Variants in THSD7B observed in about 807,000 individuals in gnomAD.
The protein encoded by THSD7B is thrombospondin type-1 domain-containing protein 7B.
A neutral mutation model predicts 213.6 loss-of-function variants in THSD7B; 138 were observed. The observed-to-expected ratio is 0.65, with a 90% CI of 0.56 to 0.74. The LOEUF (loss-of-function observed/expected upper bound fraction) is 0.74, where lower values mean the gene tolerates loss of function less well. Ranked by LOEUF, THSD7B falls within the 30% of genes least tolerant of loss-of-function variation. The probability of loss-of-function intolerance (pLI) is 0.00; values close to 1 mark genes in which losing one functional copy is unlikely to be tolerated. For missense variants in THSD7B, 1,931 were observed against 1,991.5 expected (o/e 0.97, Z 0.58); for synonymous variants, 742 against 687.0 (o/e 1.08, Z -1.25).
intron 12 of THSD7B, among the ~76,000 whole-genome samples, chr2:137,366,501 T>C (rs1477673167): frequency 1.3e-5 from 2 of 152,232 alleles, no homozygotes; most frequent in African/African-American, 4.8e-5. Flanking sequence ...TAAGAGAATA[T>C]CTGTGGACAA....
intron 12 of THSD7B, among the ~76,000 whole-genome samples, chr2:137,383,052 G>A (rs981172394): frequency 5.9e-5 from 9 of 152,198 alleles, no homozygotes; most frequent in African/African-American, 2.2e-4. Context: ...TGTACCAATA[G>A]CTGGATGTTC....
At chr2:137,292,925 C>T (rs1683370354) in intron 12 of THSD7B, among the ~76,000 whole-genome samples, 1 of 151,988 alleles carries the variant, frequency 6.6e-6, no homozygotes, top group Non-Finnish European at 1.5e-5. Context: ...TACCAGTTAC[C>T]CAGTCTGAAC....
intron 2 of THSD7B, among the ~76,000 whole-genome samples, chr2:137,003,111 A>T (rs977600659): frequency 6.6e-6 from 1 of 152,200 alleles, no homozygotes; most frequent in Non-Finnish European, 1.5e-5. Context: ...TAAGTCAGGT[A>T]ATAAGGGTAT....
intron 5 of THSD7B, among the ~76,000 whole-genome samples, chr2:137,152,006 ATTTTTTT>A (rs201462563): frequency 2.9e-5 from 4 of 137,636 alleles, no homozygotes; most frequent in East Asian, 2.1e-4. Context: ...AGCTACCTTA[ATTTTTTT>A]TTTTTTTTTT....
At chr2:136,926,118 C>A (rs919543511) in intron 2 of THSD7B, among the ~76,000 whole-genome samples, 3 of 152,140 alleles carry the variant, frequency 2.0e-5, no homozygotes, top group African/African-American at 7.2e-5. Context: ...AATCCCACCA[C>A]CTTCATAGAC....
chr2:137,532,661 G>C (rs186497091), intron 15 of THSD7B, among the ~76,000 whole-genome samples: 1 of 151,914 alleles, frequency 6.6e-6, no homozygotes. Flanking sequence ...TCAAGATTCA[G>C]AGTATAGTTG....
chr2:136,909,359 C>G (rs1684221229), intron 2 of THSD7B, among the ~76,000 whole-genome samples: 1 of 152,050 alleles, frequency 6.6e-6, no homozygotes, highest in Non-Finnish European at 1.5e-5. Context: ...AAAGAAGGAA[C>G]AGGGAGGAAT....
At chr2:137,595,848 A>G (rs1681947870) in intron 17 of THSD7B, among the ~76,000 whole-genome samples, 1 of 151,988 alleles carries the variant, frequency 6.6e-6, no homozygotes. Context: ...AGTGAAGGTT[A>G]TAACTATATA....
chr2:137,043,689 G>A (rs184768332), intron 2 of THSD7B, among the ~76,000 whole-genome samples: 6 of 152,216 alleles, frequency 3.9e-5, no homozygotes, highest in Admixed American at 3.3e-4. Context: ...AAACCCCAGA[G>A]GCTTGTTGGA....
chr2:137,115,278 C>T lies in THSD7B; in HGVS notation c.1354C>T (p.Leu452=). ...CAQSVPAAAA[L]RAKEVSRPVE... ...CCAGAGCGTACCAGCAGCTGCCGCA[C>T]TGAGGGCCAAGGAAGGTAGGCAGCC... is the stretch of plus-strand genomic sequence containing the variant. Residue 452 remains leucine, a synonymous_variant, in exon 5 of 28, where the codon CTG becomes TTG. Transcript: ENST00000409968. The T allele has an allele frequency of 6.3e-7, 1 of 1,577,598 alleles. No homozygotes were observed. The highest frequency in any genetic ancestry group is 1.7e-4 in the Middle Eastern group (1 of 5,868).
intron 15 of THSD7B, among the ~76,000 whole-genome samples, chr2:137,546,386 T>TTATATATATATAA (rs1553458960): frequency 9.0e-5 from 3 of 33,330 alleles, no homozygotes; most frequent in African/African-American, 5.6e-4. Flanking sequence ...AATATATATA[T>TTATATATATATAA]TATATATATT....
chr2:137,422,445 G>A (rs1239518547), intron 14 of THSD7B, among the ~76,000 whole-genome samples: 1 of 152,160 alleles, frequency 6.6e-6, no homozygotes, highest in Non-Finnish European at 1.5e-5. Context: ...GCTTACTGAT[G>A]AATTCTCATT....
At chr2:136,789,386 C>A (rs1264952659) in intron 1 of THSD7B, among the ~76,000 whole-genome samples, 1 of 151,696 alleles carries the variant, frequency 6.6e-6, no homozygotes, top group Non-Finnish European at 1.5e-5. Flanking sequence ...TTCAGGGTAC[C>A]TCTGATAATA....
At chr2:137,629,544 CA>C (rs1306387682) in intron 20 of THSD7B, among the ~76,000 whole-genome samples, 1 of 152,166 alleles carries the variant, frequency 6.6e-6, no homozygotes, top group African/African-American at 2.4e-5. Flanking sequence ...TCCTACTATT[CA>C]GGAGTTCTAG....
At chr2:137,452,180 A>G in intron 15 of THSD7B, 1 of 213,826 alleles carries the variant, frequency 4.7e-6, no homozygotes, top group Non-Finnish European at 8.0e-6. Flanking sequence ...GAGCATAGTT[A>G]TTATGCTAGT....
At chr2:137,032,989 G>T (rs948782756) in intron 2 of THSD7B, among the ~76,000 whole-genome samples, 3 of 152,094 alleles carry the variant, frequency 2.0e-5, no homozygotes, top group African/African-American at 7.2e-5. Context: ...ACATCTTTAT[G>T]TTTATCTGCC....
intron 3 of THSD7B, among the ~76,000 whole-genome samples, chr2:137,077,763 C>T (rs963317012): frequency 6.7e-6 from 1 of 149,450 alleles, no homozygotes; most frequent in Admixed American, 6.6e-5. Flanking sequence ...AATTTTCTCC[C>T]ATTCCATAGG....
chr2:137,302,351 G>A (rs1463610504), intron 12 of THSD7B, among the ~76,000 whole-genome samples: 1 of 152,126 alleles, frequency 6.6e-6, no homozygotes, highest in East Asian at 1.9e-4. Context: ...TGGAGTCTTG[G>A]ACATCAAGAG....
chr2:137,509,639 A>C (rs949913212), intron 15 of THSD7B, among the ~76,000 whole-genome samples: 3 of 152,146 alleles, frequency 2.0e-5, no homozygotes, highest in African/African-American at 7.2e-5. Context: ...TTGTCTGCTA[A>C]GTCCACTCCT....
Sources: allele counts gnomAD v4.1 joint callset (sites outside exome capture counted in the v4.1 genomes callset), GRCh38; gene constraint gnomAD v4.1.1; transcripts MANE v1.5; gene names NCBI Gene and HGNC (gene_info 2026-07-23, HGNC 2026-07-21).